The following YAE1 variants were observed in gnomAD, a reference collection of about 807,000 sequenced individuals.
YAE1 encodes YAE1 maturation factor of ABCE1, also known as protein YAE1 homolog.
A neutral mutation model predicts 23.0 loss-of-function variants in YAE1; 22 were observed. That is an observed-to-expected ratio of 0.96 (90% confidence interval 0.68 to 1.37). The LOEUF (loss-of-function observed/expected upper bound fraction) is 1.37, where lower values mean the gene tolerates loss of function less well. Among genes scored for constraint, YAE1 ranks in the 40% most tolerant of loss-of-function variants. The pLI, the probability that YAE1 is intolerant of heterozygous loss-of-function variation, is 0.00. For missense variants in YAE1, 260 were observed against 262.1 expected (o/e 0.99, Z 0.06); for synonymous variants, 101 against 97.0 (o/e 1.04, Z -0.24).
intron 2 of YAE1, among the ~76,000 whole-genome samples, chr7:39,588,785 A>G (rs1260816300): frequency 6.6e-6 from 1 of 151,212 alleles, no homozygotes; most frequent in Non-Finnish European, 1.5e-5. Flanking sequence ...TGATTTTAGA[A>G]TTTACTTTAA....
chr7:39,575,236 G>A (rs1239190341), downstream of YAE1, among the ~76,000 whole-genome samples: 2 of 152,142 alleles, frequency 1.3e-5, no homozygotes, highest in Non-Finnish European at 2.9e-5. Context: ...TTACTTCTGG[G>A]TGCTAATATA....
At chr7:39,592,453 G>C (rs115095282) in intron 2 of YAE1, among the ~76,000 whole-genome samples, 1 of 151,990 alleles carries the variant, frequency 6.6e-6, no homozygotes, top group African/African-American at 2.4e-5. Context: ...TTACCATGGC[G>C]TTATAAACCC....
intron 2 of YAE1, among the ~76,000 whole-genome samples, chr7:39,605,126 C>T (rs1791110181): frequency 6.6e-6 from 1 of 152,128 alleles, no homozygotes; most frequent in South Asian, 2.1e-4. Context: ...CCAAGAAGAC[C>T]GTATATGACC....
downstream of YAE1, among the ~76,000 whole-genome samples, chr7:39,575,566 GA>G (rs1376180304): frequency 8.9e-6 from 1 of 112,348 alleles, no homozygotes; most frequent in East Asian, 2.5e-4. Context: ...GAGAGAGAGA[GA>G]GAGAGAGAGA....
At chr7:39,580,728 C>G (rs979593795) in intron 2 of YAE1, among the ~76,000 whole-genome samples, 1 of 152,076 alleles carries the variant, frequency 6.6e-6, no homozygotes, top group Non-Finnish European at 1.5e-5. Flanking sequence ...ACAGATTGAG[C>G]CATTTGTGAA....
At chr7:39,610,151 G>C in exon 3 of YAE1, 1 of 807,596 alleles carries the variant, frequency 1.2e-6, no homozygotes, top group Admixed American at 3.0e-5. Context: ...ACTATGAAGA[G>C]AAGATTTGGG....
intron 2 of YAE1, among the ~76,000 whole-genome samples, chr7:39,605,539 T>C (rs911766290): frequency 3.3e-5 from 5 of 152,212 alleles, no homozygotes; most frequent in Non-Finnish European, 7.3e-5. Context: ...CAGTCTTGAA[T>C]TGAAACACTG....
At chr7:39,575,577 A>AGAGAGAGTGT (rs1173016799), downstream of YAE1, among the ~76,000 whole-genome samples, 1 of 80,208 alleles carries the variant, frequency 1.2e-5, no homozygotes, top group South Asian at 3.5e-4. Context: ...AGAGAGAGAG[A>AGAGAGAGTGT]GTGAGTGTGT....
intron 2 of YAE1, among the ~76,000 whole-genome samples, chr7:39,602,328 C>T (rs1791065979): frequency 6.6e-6 from 1 of 152,170 alleles, no homozygotes; most frequent in African/African-American, 2.4e-5. Context: ...GAAACAAACA[C>T]AGTAACACAA....
At chr7:39,586,651 C>T (rs990737471) in intron 2 of YAE1, among the ~76,000 whole-genome samples, 3 of 151,532 alleles carry the variant, frequency 2.0e-5, no homozygotes, top group Non-Finnish European at 4.4e-5. Context: ...GCGCCAGCCA[C>T]CATGCCCAGC....
chr7:39,604,040 A>G (rs967024934), intron 2 of YAE1, among the ~76,000 whole-genome samples: 1 of 152,244 alleles, frequency 6.6e-6, no homozygotes, highest in Non-Finnish European at 1.5e-5. Flanking sequence ...AGAGAGTTTA[A>G]TATCTACATA....
intron 2 of YAE1, among the ~76,000 whole-genome samples, chr7:39,599,147 C>T (rs73379304): frequency 0.14 from 21,568 of 151,274 alleles, 3,993 homozygotes; most frequent in African/African-American, 0.43. Context: ...GGCTGAGGCT[C>T]GAAAATCACT....
chr7:39,607,976 A>G (rs1040070293), intron 2 of YAE1, among the ~76,000 whole-genome samples: 1 of 152,104 alleles, frequency 6.6e-6, no homozygotes, highest in African/African-American at 2.4e-5. Flanking sequence ...GCCGTAATAT[A>G]TTTGTTTTGT....
chr7:39,610,132 G>A (rs1791188955), exon 3 of YAE1: 3 of 903,750 alleles, frequency 3.3e-6, no homozygotes, highest in Non-Finnish European at 4.9e-6. Flanking sequence ...ATATGTACAC[G>A]TCTCTCAAAC....
chr7:39,580,651 T>G (rs1183308072), intron 2 of YAE1, among the ~76,000 whole-genome samples: 1 of 152,198 alleles, frequency 6.6e-6, no homozygotes, highest in Non-Finnish European at 1.5e-5. Context: ...CTTGGTAATG[T>G]GCCCTTTGCT....
intron 2 of YAE1, among the ~76,000 whole-genome samples, chr7:39,605,936 T>C (rs1316267090): frequency 6.6e-6 from 1 of 152,156 alleles, no homozygotes; most frequent in African/African-American, 2.4e-5. Context: ...CAGAGTTCTT[T>C]TTTTTGTTTT....
chr7:39,569,579 A>G, intron 1 of YAE1: 3 of 561,444 alleles, frequency 5.3e-6, no homozygotes, highest in Non-Finnish European at 1.0e-5. Context: ...TTTCTGAAGG[A>G]CAAAGGCAAC....
chr7:39,566,462 A>G lies in YAE1; in HGVS notation c.44A>G (p.Asp15Gly). 1 of 1,614,180 alleles carries G rather than the reference A, an allele frequency of 6.2e-7. No homozygotes were observed. The highest frequency in any genetic ancestry group is 8.5e-7 in the Non-Finnish European group (1 of 1,180,018). Residue 15 changes from aspartate to glycine, a missense_variant, in exon 1 of 3, where the codon GAC (aspartate) becomes GGC (glycine). Transcript: ENST00000223273. ...GCCTCCTTGATCCAGGGCCCTGGAG[A>G]CAAAGGGGACGTGTTTGACGAAGAA... ...QAASLIQGPG[D>G]KGDVFDEEAD...
intron 2 of YAE1, among the ~76,000 whole-genome samples, chr7:39,602,049 T>C (rs958509683): frequency 1.3e-5 from 2 of 152,098 alleles, no homozygotes; most frequent in African/African-American, 4.8e-5. Context: ...TTAGAAAAAA[T>C]TGTGTTACCT....
Sources: gnomAD v4.1 joint callset for allele counts (sites outside exome capture counted in the v4.1 genomes callset) on GRCh38, gnomAD v4.1.1 for gene constraint, MANE v1.5 for transcripts, NCBI Gene and HGNC (gene_info 2026-07-23, HGNC 2026-07-21) for gene names.